RNF139: variants seen among roughly 807,000 people sequenced by gnomAD.
RNF139 encodes E3 ubiquitin-protein ligase RNF139.
Under a neutral mutation model 49.5 loss-of-function variants are expected in RNF139, and 15 were observed. That is an observed-to-expected ratio of 0.30 (90% CI 0.20 to 0.47). RNF139 has a LOEUF of 0.47. RNF139 is among the 20% of genes least tolerant of loss of function. The probability of loss-of-function intolerance (pLI) is 1.00; values close to 1 mark genes in which losing one functional copy is unlikely to be tolerated. For missense variants in RNF139, 619 were observed against 806.3 expected (o/e 0.77, Z 2.81); for synonymous variants, 325 against 300.9 (o/e 1.08, Z -0.83).
chr8:124,475,024 C>T lies in RNF139; in HGVS notation c.-86C>T, dbSNP rs966736857. 5.7e-5 allele frequency: 53 copies of T among 926,558 alleles called. No individual in the cohort carries two copies. Among genetic ancestry groups the T allele is most frequent in the Admixed American group, 9.1e-5 (2 of 22,082 alleles). The allele number at this position is 926,558 out of a possible 1,614,324, so 57.4% of individuals were successfully genotyped here. On this transcript the variant is annotated 5_prime_UTR_variant, in exon 1 of 2. Coordinates refer to ENST00000303545, the MANE Select transcript of RNF139 (RefSeq NM_007218.4). The stretch of plus-strand genomic sequence containing the variant: ...AGGAGGGCAGGGGCGGAGTTGCCCG[C>T]CTTAGCCCCCGCCCCCGGCCGCGGC...
Position 124,487,946 on chromosome 8 carries a change from C to T in RNF139, c.*302C>T, listed in dbSNP as rs964079925. 2.9e-5 allele frequency: 7 copies of T among 237,714 alleles called. No homozygotes were observed. Among genetic ancestry groups the T allele is most frequent in the East Asian group, 8.2e-5 (1 of 12,242 alleles). The allele number at this position is 237,714 out of a possible 1,614,324, so 14.7% of individuals were successfully genotyped here. On this transcript the variant is annotated 3_prime_UTR_variant, in exon 2 of 2. Transcript: ENST00000303545. ...TAATAGATGTAATGATCATATGGTG[C>T]GTCACCTGTGCCAAATATTCTTCAA...
intron 1 of RNF139, among the ~76,000 whole-genome samples, chr8:124,481,332 C>T (rs934251782): frequency 4.6e-5 from 7 of 152,002 alleles, no homozygotes; most frequent in African/African-American, 1.7e-4. Context: ...AGAGGTATTT[C>T]GGGTACTTGG....
Position 124,487,765 on chromosome 8 carries a change from G to C in RNF139, c.*121G>C, listed in dbSNP as rs1816566934. 1 of 976,908 alleles carries C rather than the reference G, an allele frequency of 1.0e-6. No individual in the cohort carries two copies. The highest frequency in any genetic ancestry group is 2.9e-5 in the Admixed American group (1 of 34,470). The allele number at this position is 976,908 out of a possible 1,614,324, so 60.5% of individuals were successfully genotyped here. A position where few individuals can be genotyped will look rare whatever the true frequency, so the allele number is the denominator to read the frequency against. ...CAAAAACAGTATCAATGTTGAATCT[G>C]TGAATGGTTTTCCGTTTACTGTGAT... On this transcript the variant is annotated 3_prime_UTR_variant, in exon 2 of 2. Transcript: ENST00000303545.
intron 1 of RNF139, among the ~76,000 whole-genome samples, chr8:124,478,640 A>G (rs369374122): frequency 1.1e-3 from 167 of 151,600 alleles, no homozygotes; most frequent in African/African-American, 3.9e-3. Context: ...AATTTATCAG[A>G]TTGGTGAAGA....
In RNF139 at chr8:124,486,351, C is replaced by T. The variant is rs769758166; in HGVS notation, c.702C>T (p.Phe234=). 27 of 1,614,122 alleles carry T rather than the reference C, an allele frequency of 1.7e-5. No homozygotes were observed. Among genetic ancestry groups the T allele is most frequent in the Non-Finnish European group, 2.2e-5 (26 of 1,179,992 alleles). Residue 234 remains phenylalanine, a synonymous_variant, in exon 2 of 2, where the codon TTC becomes TTT. Transcript: ENST00000303545. ...AGGACACATGGAAGAGGATTCGTTT[C>T]CCAGACATACTACGAGTCTTTTGGC... is the stretch of plus-strand genomic sequence containing the variant. ...LMEDTWKRIR[F]PDILRVFWLT...
chr8:124,479,510 C>CA (rs1204791095), intron 1 of RNF139, among the ~76,000 whole-genome samples: 1 of 152,152 alleles, frequency 6.6e-6, no homozygotes, highest in Admixed American at 6.5e-5. Flanking sequence ...GAGGAATAGA[C>CA]AGAGATTTCT....
At position 124,486,590 on chromosome 8, in the gene RNF139, G is replaced by GT; in HGVS notation, c.941_942insT (p.Ser315IlefsTer3). The GT allele has an allele frequency of 6.2e-7, 1 of 1,614,094 alleles. No individual in the cohort carries two copies. The highest frequency in any genetic ancestry group is 1.1e-5 in the South Asian group (1 of 91,068). ...GGGCTTGGAATATTGGCCTTTATTGGATCAACTGAGGAAGATGACAGGCGT... is the reference window on the plus strand; with the variant it reads ...GGGCTTGGAATATTGGCCTTTATTGGTATCAACTGAGGAAGATGACAGGCGT... On this transcript the variant is annotated frameshift_variant, in exon 2 of 2. Transcript: ENST00000303545. LOFTEE classifies it high-confidence loss of function.
chr8:124,481,457 T>C (rs1816407564), intron 1 of RNF139, among the ~76,000 whole-genome samples: 1 of 152,188 alleles, frequency 6.6e-6, no homozygotes, highest in African/African-American at 2.4e-5. Flanking sequence ...TTATGTAACA[T>C]GTATAGTAAG....
In RNF139 at chr8:124,486,540, A is replaced by G. The variant is rs1481948722; in HGVS notation, c.891A>G (p.Val297=). 3 of 1,614,194 alleles carry G rather than the reference A, an allele frequency of 1.9e-6. No individual in the cohort carries two copies. Among genetic ancestry groups the G allele is most frequent in the East Asian group, 4.5e-5 (2 of 44,890 alleles). The change falls in exon 2 of 2, where the codon GTA becomes GTG. Residue 297 remains valine, a synonymous_variant. Coordinates refer to ENST00000303545, the MANE Select transcript of RNF139 (RefSeq NM_007218.4). Reference sequence around the variant, plus strand: ...TAACTGTACTGGGCATGAGTGCTGTAATTTCCTCAGTAGCCCATTATTTGG... The same window carrying G: ...TAACTGTACTGGGCATGAGTGCTGTGATTTCCTCAGTAGCCCATTATTTGG... ...STLTVLGMSA[V]ISSVAHYLGL...
intron 1 of RNF139, 37 bp downstream of exon 1, chr8:124,475,327 A>T: frequency 6.3e-7 from 1 of 1,581,608 alleles, no homozygotes; most frequent in African/African-American, 1.4e-5. Flanking sequence ...CGGGACGGCT[A>T]TGCGGGCCGA....
At chr8:124,485,374 A>G (rs1453027076) in intron 1 of RNF139, among the ~76,000 whole-genome samples, 2 of 152,214 alleles carry the variant, frequency 1.3e-5, no homozygotes, top group African/African-American at 4.8e-5. Context: ...CAGTCAGTCA[A>G]TAATAAATGA....
chr8:124,482,029 A>T lies in RNF139; in HGVS notation c.182-3802A>T, dbSNP rs115822589. Among the ~76,000 whole-genome samples, 690 of 152,246 alleles carry T rather than the reference A, an allele frequency of 4.5e-3. 7 individuals are homozygous for T. Among genetic ancestry groups the T allele is most frequent in the African/African-American group, 0.016 (670 of 41,560 alleles). Reference sequence around the variant, plus strand: ...AAACTTTGGGTAGGAATTAAAACAAACATATACTATTCTTGAAATGTTAAC... The same window carrying T: ...AAACTTTGGGTAGGAATTAAAACAATCATATACTATTCTTGAAATGTTAAC... On this transcript the variant is annotated intron_variant, in intron 1 of 1. Coordinates refer to ENST00000303545, the MANE Select transcript of RNF139 (RefSeq NM_007218.4).
intron 1 of RNF139, among the ~76,000 whole-genome samples, chr8:124,481,581 T>G (rs1816409588): frequency 6.6e-6 from 1 of 152,162 alleles, no homozygotes; most frequent in African/African-American, 2.4e-5. Context: ...TGAATTGATT[T>G]GGATACCTGC....
At chr8:124,479,876 G>T (rs1473673497) in intron 1 of RNF139, among the ~76,000 whole-genome samples, 3 of 152,036 alleles carry the variant, frequency 2.0e-5, no homozygotes, top group African/African-American at 7.2e-5. Flanking sequence ...TACACCTTTG[G>T]AAATAAATTA....
In RNF139 at chr8:124,481,778, T is replaced by C. The variant is rs190292858; in HGVS notation, c.182-4053T>C. Among the ~76,000 whole-genome samples, 26 of 152,238 alleles carry C rather than the reference T, an allele frequency of 1.7e-4. No individual in the cohort carries two copies. In the East Asian group the frequency reaches 4.8e-3, roughly 28 times the overall value. ...CTAATGAGAAACTGTCTCTGGACTTTTATATTTTCTTAGACCTACAGTTTA... is the reference window on the plus strand; with the variant it reads ...CTAATGAGAAACTGTCTCTGGACTTCTATATTTTCTTAGACCTACAGTTTA... On this transcript the variant is annotated intron_variant, in intron 1 of 1. Transcript: ENST00000303545.
chr8:124,487,024 G>A lies in RNF139; in HGVS notation c.1375G>A (p.Asp459Asn), dbSNP rs1194528705. The change falls in exon 2 of 2, where the codon GAT becomes AAT. Residue 459 changes from aspartate to asparagine, a missense_variant. Around this residue, in one of 2 missense-constraint regions of RNF139, gnomAD observed 530 missense variants for 728.9 expected, o/e 0.73. Transcript: ENST00000303545. ...YYNVLWEKLD[D>N]YVYYVRSTGS... ...TAATGTCCTCTGGGAAAAGCTTGAC[G>A]ATTATGTCTACTACGTTCGTTCAAC... The A allele has an allele frequency of 3.7e-6, 6 of 1,613,968 alleles. No individual in the cohort carries two copies. The highest frequency in any genetic ancestry group is 5.1e-6 in the Non-Finnish European group (6 of 1,179,974).
Position 124,483,234 on chromosome 8 carries a change from G to A in RNF139, c.182-2597G>A, listed in dbSNP as rs368483868. On this transcript the variant is annotated intron_variant, in intron 1 of 1. Coordinates refer to ENST00000303545, the MANE Select transcript of RNF139 (RefSeq NM_007218.4). ...AGGTTTATATGTCTTCTACTTTATT[G>A]TGTCCTTTTGTTTTCCTTTTCACAG... is the stretch of plus-strand genomic sequence containing the variant. 4 of 140,230 alleles carry A rather than the reference G, an allele frequency of 2.9e-5. No individual in the cohort carries two copies. In the East Asian group the frequency reaches 8.3e-4, roughly 29 times the overall value. 8.7% of individuals were successfully genotyped at this position (140,230 alleles called of 1,614,324 possible).
intron 1 of RNF139, among the ~76,000 whole-genome samples, chr8:124,485,280 C>T (rs868862788): frequency 6.6e-6 from 1 of 152,180 alleles, no homozygotes; most frequent in African/African-American, 2.4e-5. Context: ...AGGAGAATTG[C>T]TTGAGCCTGG....
At position 124,486,285 on chromosome 8, in the gene RNF139, G is replaced by A; in HGVS notation, c.636G>A (p.Val212=). ...YYSTRYVYLL[V]RHMYRIYGLQ... ...CCACACGATATGTTTATCTTTTGGT[G>A]AGGCACATGTATCGAATTTACGGAT... Residue 212 remains valine, a synonymous_variant, in exon 2 of 2, where the codon GTG becomes GTA. Transcript: ENST00000303545. 1 of 1,614,114 alleles carries A rather than the reference G, an allele frequency of 6.2e-7. No individual in the cohort carries two copies. The highest frequency in any genetic ancestry group is 8.5e-7 in the Non-Finnish European group (1 of 1,179,994).
Sources: gnomAD v4.1 joint callset for allele counts (sites outside exome capture counted in the v4.1 genomes callset) on GRCh38, gnomAD v4.1.1 for gene constraint, gnomAD v4.1.1 regional missense constraint, MANE v1.5 for transcripts, NCBI Gene and HGNC (gene_info 2026-07-23, HGNC 2026-07-21) for gene names.